TSHZ2: variants seen among roughly 807,000 people sequenced by gnomAD.
TSHZ2 encodes teashirt homolog 2.
In TSHZ2, 21 loss-of-function variants were observed where a neutral mutation model predicts 74.4. The ratio of observed to expected loss-of-function variants is 0.28; its 90% CI spans 0.20 to 0.41. The LOEUF is 0.41. Among genes scored for constraint, TSHZ2 ranks in the 10% least tolerant of loss-of-function variants. The pLI, the probability that TSHZ2 is intolerant of heterozygous loss-of-function variation, is 1.00. For missense variants in TSHZ2, 1,244 were observed against 1,293.5 expected (o/e 0.96, Z 0.59); for synonymous variants, 540 against 515.3 (o/e 1.05, Z -0.65).
At chr20:53,243,953 A>G (rs1013451) in intron 1 of TSHZ2, among the ~76,000 whole-genome samples, 14,311 of 152,026 alleles carry the variant, frequency 0.094, 752 homozygotes, top group Middle Eastern at 0.13. Flanking sequence ...AAAGGCAATG[A>G]GAAGTGGTCA....
At chr20:53,418,850 A>C (rs1293943144) in intron 2 of TSHZ2, among the ~76,000 whole-genome samples, 2 of 152,166 alleles carry the variant, frequency 1.3e-5, no homozygotes, top group Non-Finnish European at 2.9e-5. Flanking sequence ...GCCTAACACT[A>C]AGGCAGGCCA....
chr20:53,137,296 C>CTTTTTTTT (rs759993398), intron 1 of TSHZ2, among the ~76,000 whole-genome samples: 1 of 135,270 alleles, frequency 7.4e-6, no homozygotes. Context: ...ATTCGTGTTT[C>CTTTTTTTT]TTTTTTTTTT....
chr20:53,380,163 T>TGTGC (rs3971382), intron 2 of TSHZ2, among the ~76,000 whole-genome samples: 17,776 of 150,904 alleles, frequency 0.12, 1,930 homozygotes, highest in African/African-American at 0.29. Context: ...TGTGTGTGTG[T>TGTGC]GCACACGCAT....
In TSHZ2 at chr20:53,020,248, G is replaced by A. The variant is rs562756449; in HGVS notation, c.40+46915G>A. On this transcript the variant is annotated intron_variant, in intron 1 of 2. Coordinates refer to ENST00000371497, the MANE Select transcript of TSHZ2 (RefSeq NM_173485.6). ...TGTCACTTCGTCACCATCGGTCCTC[G>A]TGTTATTACTACTTCTATTACTGTT... Among the ~76,000 whole-genome samples, 7 of 152,228 alleles carry A rather than the reference G, an allele frequency of 4.6e-5. No individual in the cohort carries two copies. In the South Asian group the frequency reaches 8.3e-4, roughly 18 times the overall value.
At position 53,210,046 on chromosome 20, in the gene TSHZ2, T is replaced by C. The variant is rs569197094; in HGVS notation, c.41-43453T>C. On this transcript the variant is annotated intron_variant, in intron 1 of 2. Transcript: ENST00000371497. The stretch of plus-strand genomic sequence containing the variant: ...GTTAAGTCGGAAAGAAGCAAATTAA[T>C]AATGAAACGGGAGAGTTCCCAGATC... Among the ~76,000 whole-genome samples the C allele has an allele frequency of 2.0e-5, 3 of 152,346 alleles. No individual in the cohort carries two copies. In the South Asian group the frequency reaches 6.2e-4, roughly 32 times the overall value.
chr20:53,078,652 G>A (rs1985440276), intron 1 of TSHZ2, among the ~76,000 whole-genome samples: 1 of 152,182 alleles, frequency 6.6e-6, no homozygotes, highest in Admixed American at 6.5e-5. Context: ...ACAGCAGTGA[G>A]GTAGTTACTG....
intron 2 of TSHZ2, among the ~76,000 whole-genome samples, chr20:53,449,631 C>T (rs114428547): frequency 2.8e-3 from 434 of 152,332 alleles, no homozygotes; most frequent in African/African-American, 0.01. Flanking sequence ...TATCCTTCTG[C>T]CTGGCTGTTC....
chr20:53,012,041 A>C (rs1982871122), intron 1 of TSHZ2, among the ~76,000 whole-genome samples: 1 of 152,152 alleles, frequency 6.6e-6, no homozygotes, highest in Non-Finnish European at 1.5e-5. Flanking sequence ...TTGATCCACG[A>C]TATCTGGTTT....
chr20:53,010,169 G>A (rs751848251), intron 1 of TSHZ2, among the ~76,000 whole-genome samples: 2 of 152,186 alleles, frequency 1.3e-5, no homozygotes, highest in Non-Finnish European at 2.9e-5. Flanking sequence ...GGATGCTGCA[G>A]TCTTTTGGAT....
chr20:53,200,165 T>G (rs1036576903), intron 1 of TSHZ2, among the ~76,000 whole-genome samples: 5 of 152,134 alleles, frequency 3.3e-5, no homozygotes, highest in Non-Finnish European at 5.9e-5. Flanking sequence ...AAGAGCTGCT[T>G]CTTGTGGGCG....
intron 1 of TSHZ2, among the ~76,000 whole-genome samples, chr20:53,124,534 G>A (rs1234623592): frequency 1.3e-5 from 2 of 152,198 alleles, no homozygotes; most frequent in African/African-American, 2.4e-5. Context: ...ATGCATCATC[G>A]ACATGACCAG....
At position 53,176,089 on chromosome 20, in the gene TSHZ2, C is replaced by T. The variant is rs531994596; in HGVS notation, c.41-77410C>T. On this transcript the variant is annotated intron_variant, in intron 1 of 2. Coordinates refer to ENST00000371497, the MANE Select transcript of TSHZ2 (RefSeq NM_173485.6). ...GAGTTAAATTCCCTCCTTGCTCTTT[C>T]ATTCACAAGGTGTTTGACAACAGGT... 1.8e-3 allele frequency among the ~76,000 whole-genome samples: 279 copies of T among 152,352 alleles called. 2 individuals are homozygous for T. Among genetic ancestry groups the T allele is most frequent in the African/African-American group, 6.4e-3 (267 of 41,588 alleles).
chr20:53,487,032 T>C (rs148647358), intron 2 of TSHZ2, 112 bp from the exon 3 acceptor site: 1 of 152,616 alleles, frequency 6.6e-6, no homozygotes, highest in East Asian at 1.9e-4. Flanking sequence ...CTCAGAACAT[T>C]TGGACAAATA....
chr20:53,409,621 T>C (rs1239009806), intron 2 of TSHZ2, among the ~76,000 whole-genome samples: 3 of 152,174 alleles, frequency 2.0e-5, no homozygotes, highest in Non-Finnish European at 4.4e-5. Flanking sequence ...TATTGGTATG[T>C]GACACTCTGT....
At chr20:53,291,169 T>G (rs1180628837) in intron 2 of TSHZ2, among the ~76,000 whole-genome samples, 2 of 152,072 alleles carry the variant, frequency 1.3e-5, no homozygotes, top group African/African-American at 4.8e-5. Flanking sequence ...CCAAATACCC[T>G]GGTCAAAAAT....
intron 2 of TSHZ2, among the ~76,000 whole-genome samples, chr20:53,360,996 T>G (rs1485902759): frequency 3.9e-5 from 6 of 152,220 alleles, no homozygotes; most frequent in African/African-American, 1.4e-4. Context: ...GCTTTTCTTT[T>G]GAACCAGTGA....
At chr20:53,085,257 C>T (rs1479955649) in intron 1 of TSHZ2, among the ~76,000 whole-genome samples, 6 of 151,928 alleles carry the variant, frequency 3.9e-5, no homozygotes, top group African/African-American at 1.2e-4. Context: ...CCCAGCTACT[C>T]GGGAGGCTGA....
rs1409217392 is a variant in TSHZ2 at position 53,405,165 on chromosome 20, C to T, written c.*9-81979C>T. 2.7e-5 allele frequency among the ~76,000 whole-genome samples: 4 copies of T among 147,946 alleles called. No individual in the cohort carries two copies. The Admixed American group carries it at 2.7e-4, about 10-fold the overall frequency. ...TCAGGAGGCTGGGGCAGGAGAATCA[C>T]TTGAACCCAGGAGGTGGAGGTTGCA... is the stretch of plus-strand genomic sequence containing the variant. On this transcript the variant is annotated intron_variant, in intron 2 of 2. Transcript: ENST00000371497.
intron 1 of TSHZ2, among the ~76,000 whole-genome samples, chr20:53,038,456 A>C (rs1356175688): frequency 6.6e-6 from 1 of 152,106 alleles, no homozygotes; most frequent in African/African-American, 2.4e-5. Flanking sequence ...GGCATGATGA[A>C]TGCCTTTCCT....
Sources: gnomAD v4.1 joint callset for allele counts (sites outside exome capture counted in the v4.1 genomes callset) on GRCh38, gnomAD v4.1.1 for gene constraint, MANE v1.5 for transcripts, NCBI Gene and HGNC (gene_info 2026-07-23, HGNC 2026-07-21) for gene names.